ERICH3: variants seen among roughly 807,000 people sequenced by gnomAD.
ERICH3 encodes the protein glutamate rich 3, also known as glutamate-rich protein 3.
ERICH3 carries 126 observed loss-of-function variants against 131.1 expected under a neutral mutation model. The ratio of observed to expected loss-of-function variants is 0.96; its 90% CI spans 0.83 to 1.11. ERICH3 has a LOEUF of 1.11. ERICH3 is among the 50% of genes most tolerant of loss of function. The pLI, the probability that ERICH3 is intolerant of heterozygous loss-of-function variation, is 0.00. For synonymous variants in ERICH3, 695 were observed against 644.6 expected (o/e 1.08, Z -1.18); for missense variants, 2,050 against 1,810.7 (o/e 1.13, Z -2.40).
At chr1:74,621,645 C>T (rs533279265) in intron 7 of ERICH3, 2 of 152,186 alleles carry the variant, frequency 1.3e-5, no homozygotes, top group East Asian at 1.9e-4. Flanking sequence ...ATGGCATTGC[C>T]CAATTTAAAT....
intron 12 of ERICH3, among the ~76,000 whole-genome samples, chr1:74,579,152 A>T (rs1389057788): frequency 6.6e-6 from 1 of 152,162 alleles, no homozygotes; most frequent in Non-Finnish European, 1.5e-5. Flanking sequence ...TACTATAATA[A>T]TGTGAATACT....
At chr1:74,611,752 T>C (rs1648707731) in intron 9 of ERICH3, among the ~76,000 whole-genome samples, 1 of 152,118 alleles carries the variant, frequency 6.6e-6, no homozygotes, top group South Asian at 2.1e-4. Flanking sequence ...TTTTTTCTGG[T>C]TTCTGTTCAA....
chr1:74,636,225 C>T, intron 6 of ERICH3, 55 bp downstream of exon 6: 1 of 1,395,210 alleles, frequency 7.2e-7, no homozygotes, highest in South Asian at 1.5e-5. Flanking sequence ...CTGTAATAAC[C>T]TATAATAATC....
At chr1:74,596,028 C>A (rs1264097892) in intron 11 of ERICH3, among the ~76,000 whole-genome samples, 1 of 152,074 alleles carries the variant, frequency 6.6e-6, no homozygotes. Flanking sequence ...CACCCCTATA[C>A]TTCTTTTCAA....
At position 74,636,499 on chromosome 1, in the gene ERICH3, A is replaced by G. The variant is rs970097657; in HGVS notation, c.445-61T>C. On this transcript the variant is annotated intron_variant, in intron 5 of 14. Coordinates refer to ENST00000326665, the MANE Select transcript of ERICH3 (RefSeq NM_001002912.5). ...GTATCTTGACATGTTTCCAGAACCA[A>G]TTAATAACCCAATAAATTGCCTAGA... 2.0e-6 allele frequency: 3 copies of G among 1,470,796 alleles called. No individual in the cohort carries two copies. In the African/African-American group the frequency reaches 4.2e-5, roughly 21 times the overall value. 91.1% of individuals were successfully genotyped at this position (1,470,796 alleles called of 1,614,324 possible).
At chr1:74,615,466 T>C (rs1438513018) in intron 8 of ERICH3, among the ~76,000 whole-genome samples, 1 of 152,236 alleles carries the variant, frequency 6.6e-6, no homozygotes, top group Non-Finnish European at 1.5e-5. Flanking sequence ...ATAGTATTTG[T>C]ACAGTTAATT....
At chr1:74,670,564 G>T (rs892814771) in intron 1 of ERICH3, among the ~76,000 whole-genome samples, 7 of 152,134 alleles carry the variant, frequency 4.6e-5, no homozygotes, top group African/African-American at 1.4e-4. Context: ...AATTTCTTAT[G>T]CCTGTCTTTA....
chr1:74,611,929 T>A (rs2100596208), intron 9 of ERICH3, among the ~76,000 whole-genome samples: 1 of 152,300 alleles, frequency 6.6e-6, no homozygotes, highest in Middle Eastern at 3.4e-3. Flanking sequence ...TATTAGCTTT[T>A]CCTCCATTAG....
chr1:74,668,065 C>T lies in ERICH3; in HGVS notation c.23+5432G>A, dbSNP rs559942770. ...CACCATGATTGTAAGTTTCTTGAGA[C>T]CTCTCCAGCCATGCAGAACTATAAG... On this transcript the variant is annotated intron_variant, in intron 1 of 14. Transcript: ENST00000326665. Among the ~76,000 whole-genome samples, 4 of 152,274 alleles carry T rather than the reference C, an allele frequency of 2.6e-5. No individual in the cohort carries two copies. In the East Asian group the frequency reaches 7.7e-4, roughly 29 times the overall value.
intron 1 of ERICH3, among the ~76,000 whole-genome samples, chr1:74,668,456 C>T (rs1282631008): frequency 3.3e-5 from 5 of 152,164 alleles, no homozygotes; most frequent in African/African-American, 1.2e-4. Flanking sequence ...GCAAGTCAAA[C>T]ACTGTAGTTT....
chr1:74,635,693 C>A (rs599883), intron 6 of ERICH3, among the ~76,000 whole-genome samples: 1,921 of 152,192 alleles, frequency 0.013, 33 homozygotes, highest in African/African-American at 0.043. Flanking sequence ...GGTTACCATA[C>A]CTCCTTCCTG....
chr1:74,624,501 A>ATAGT (rs1214481397), intron 7 of ERICH3: 1 of 152,040 alleles, frequency 6.6e-6, no homozygotes, highest in East Asian at 1.9e-4. Context: ...TGCTTTTAGT[A>ATAGT]TAGTTACTCT....
At position 74,571,115 on chromosome 1, in the gene ERICH3, T is replaced by A. The variant is rs145922668; in HGVS notation, c.*2A>T. ...TAAACTCACTGTCTGCCAGCAAGTC[T>A]CCTAGACCTGCACGTTGTTGGGGGA... On this transcript the variant is annotated 3_prime_UTR_variant, in exon 14 of 15. Coordinates refer to ENST00000326665, the MANE Select transcript of ERICH3 (RefSeq NM_001002912.5). 3.7e-6 allele frequency: 6 copies of A among 1,611,980 alleles called. No homozygotes were observed. In the African/African-American group the frequency reaches 8.0e-5, roughly 22 times the overall value.
Position 74,612,650 on chromosome 1 carries a change from C to T in ERICH3, c.1160G>A (p.Cys387Tyr), listed in dbSNP as rs1475485584. Reference protein sequence around the residue: ...GGKRGYFGFVCVERSSPCYKC... With the variant: ...GGKRGYFGFVYVERSSPCYKC... ...GTAGCAAGGAGATGATCTCTCAACACACACAAACCCAAAGTAGCCTCGTTT... is the reference window on the plus strand; with the variant it reads ...GTAGCAAGGAGATGATCTCTCAACATACACAAACCCAAAGTAGCCTCGTTT... Residue 387 changes from cysteine (C) to tyrosine (Y), a missense_variant, in exon 9 of 15, where the codon TGT becomes TAT. Cys to Tyr is a radical substitution (Grantham distance 194). Coordinates refer to ENST00000326665, the MANE Select transcript of ERICH3 (RefSeq NM_001002912.5). 2 of 1,584,524 alleles carry T rather than the reference C, an allele frequency of 1.3e-6. No individual in the cohort carries two copies. Among genetic ancestry groups the T allele is most frequent in the Non-Finnish European group, 1.7e-6 (2 of 1,157,878 alleles).
At chr1:74,599,269 A>G (rs896989328) in intron 11 of ERICH3, among the ~76,000 whole-genome samples, 2 of 151,968 alleles carry the variant, frequency 1.3e-5, no homozygotes, top group African/African-American at 4.8e-5. Context: ...AAATAGTTAC[A>G]GAGACATTTG....
chr1:74,624,094 C>T (rs770210576), intron 7 of ERICH3: 10 of 152,162 alleles, frequency 6.6e-5, no homozygotes, highest in Non-Finnish European at 1.5e-4. Context: ...TGGACACAGA[C>T]ATGGAACAAT....
chr1:74,662,100 C>T (rs1455483884), intron 1 of ERICH3, among the ~76,000 whole-genome samples: 2 of 152,176 alleles, frequency 1.3e-5, no homozygotes, highest in African/African-American at 2.4e-5. Flanking sequence ...TGCCTGAGTT[C>T]TCCTTCTCCC....
chr1:74,635,979 G>T (rs541251558), intron 6 of ERICH3, among the ~76,000 whole-genome samples: 10 of 152,274 alleles, frequency 6.6e-5, no homozygotes, highest in Non-Finnish European at 5.9e-5. Flanking sequence ...TCTGATAGAA[G>T]TTGTATCTGG....
chr1:74,589,725 TG>T lies in ERICH3; in HGVS notation c.2081del (p.Ala694GlufsTer19), dbSNP rs1484129803. Reference protein sequence around the residue: ...LSEKSGKHVSAEEKEKDKSKL... With the variant: ...LSEKSGKHVSXEEKEKDKSKL... Reference sequence around the variant, plus strand: ...TACTCTTATCCTTTTCCTTTTCTTCTGCAGAAACATGTTTCCCGGACTTCTC... The same window carrying T: ...TACTCTTATCCTTTTCCTTTTCTTCTCAGAAACATGTTTCCCGGACTTCTC... On this transcript the variant is annotated frameshift_variant, in exon 12 of 15. Coordinates refer to ENST00000326665, the MANE Select transcript of ERICH3 (RefSeq NM_001002912.5). LOFTEE classifies it high-confidence loss of function. 1.2e-6 allele frequency: 2 copies of T among 1,613,980 alleles called. No individual in the cohort carries two copies. Among genetic ancestry groups the T allele is most frequent in the African/African-American group, 2.7e-5 (2 of 74,910 alleles).
Sources: gnomAD v4.1 joint callset for allele counts (sites outside exome capture counted in the v4.1 genomes callset) on GRCh38, gnomAD v4.1.1 for gene constraint, MANE v1.5 for transcripts, NCBI Gene and HGNC (gene_info 2026-07-23, HGNC 2026-07-21) for gene names.